The following TBC1D5 variants were observed in gnomAD, a reference collection of about 807,000 sequenced individuals.
The protein encoded by TBC1D5 is TBC1 domain family, member 5.
Under a neutral mutation model 100.3 loss-of-function variants are expected in TBC1D5, and 75 were observed. The ratio of observed to expected loss-of-function variants is 0.75; its 90% CI spans 0.62 to 0.91. TBC1D5 has a LOEUF of 0.91. TBC1D5 is among the 40% of genes least tolerant of loss of function. The probability of loss-of-function intolerance (pLI) is 0.00; values close to 1 mark genes in which losing one functional copy is unlikely to be tolerated. For synonymous variants in TBC1D5, 323 were observed against 325.6 expected (o/e 0.99, Z 0.09); for missense variants, 910 against 942.4 (o/e 0.97, Z 0.45).
chr3:17,567,032 C>T (rs535572969), intron 2 of TBC1D5, among the ~76,000 whole-genome samples: 1 of 151,776 alleles, frequency 6.6e-6, no homozygotes, highest in South Asian at 2.1e-4. Context: ...TAAAACATTC[C>T]CTATGCCTAC....
intron 13 of TBC1D5, among the ~76,000 whole-genome samples, chr3:17,346,207 T>G (rs180873728): frequency 6.6e-6 from 1 of 152,326 alleles, no homozygotes; most frequent in African/African-American, 2.4e-5. Context: ...CATAGCTTTA[T>G]GAATTTTGAA....
chr3:17,229,268 G>T (rs573515639), intron 17 of TBC1D5, among the ~76,000 whole-genome samples: 1 of 152,254 alleles, frequency 6.6e-6, no homozygotes, highest in East Asian at 1.9e-4. Context: ...TCCCTATATA[G>T]TAACAGTTTG....
intron 1 of TBC1D5, among the ~76,000 whole-genome samples, chr3:17,626,422 C>CTG (rs1219270886): frequency 6.6e-6 from 1 of 152,130 alleles, no homozygotes. Flanking sequence ...TTGTAATGAA[C>CTG]TGTACATGGC....
chr3:17,161,837 A>G (rs74796791), intron 21 of TBC1D5, among the ~76,000 whole-genome samples: 2,514 of 151,376 alleles, frequency 0.017, 32 homozygotes, highest in South Asian at 0.035. Context: ...TGTAGATCTC[A>G]TTGCTAGCTC....
At chr3:17,560,201 C>T (rs113753564) in intron 2 of TBC1D5, among the ~76,000 whole-genome samples, 3 of 152,144 alleles carry the variant, frequency 2.0e-5, no homozygotes, top group African/African-American at 7.2e-5. Flanking sequence ...ACCATGAAGA[C>T]AAGATCGACA....
chr3:17,455,452 GTGTGTGTATATA>G (rs1244660568), intron 3 of TBC1D5, among the ~76,000 whole-genome samples: 3 of 145,218 alleles, frequency 2.1e-5, no homozygotes, highest in African/African-American at 7.7e-5. Flanking sequence ...ATATATATAT[GTGTGTGTATATA>G]TATGTGTATA....
chr3:17,497,136 A>ACC (rs1378721128), intron 3 of TBC1D5, among the ~76,000 whole-genome samples: 23 of 114,864 alleles, frequency 2.0e-4, no homozygotes, highest in African/African-American at 8.2e-4. Flanking sequence ...ACACACACAC[A>ACC]CCATCCTTGT....
At chr3:17,704,997 G>A in intron 1 of TBC1D5, among the ~76,000 whole-genome samples, 1 of 133,120 alleles carries the variant, frequency 7.5e-6, no homozygotes, top group Non-Finnish European at 1.7e-5. Context: ...TGGCCGGGCG[G>A]AGGGCTGACC....
At chr3:17,441,859 A>C (rs1175953659) in intron 3 of TBC1D5, among the ~76,000 whole-genome samples, 2 of 152,152 alleles carry the variant, frequency 1.3e-5, no homozygotes, top group Non-Finnish European at 2.9e-5. Context: ...AACAGATCAC[A>C]ATAAAACAAA....
intron 2 of TBC1D5, among the ~76,000 whole-genome samples, chr3:17,593,416 A>G (rs554176638): frequency 8.4e-4 from 128 of 152,208 alleles, no homozygotes; most frequent in Non-Finnish European, 1.5e-3. Context: ...TGAGTGCCCA[A>G]TTTGCCAGCA....
intron 3 of TBC1D5, among the ~76,000 whole-genome samples, chr3:17,479,064 T>C (rs1370859115): frequency 6.6e-6 from 1 of 152,194 alleles, no homozygotes; most frequent in Admixed American, 6.5e-5. Flanking sequence ...AATAAATGGC[T>C]ACACAGCTCA....
intron 2 of TBC1D5, among the ~76,000 whole-genome samples, chr3:17,612,772 T>C (rs957417575): frequency 8.9e-5 from 13 of 146,358 alleles, no homozygotes; most frequent in African/African-American, 3.0e-4. Context: ...TAAAACTCAA[T>C]AAACAAAAGA....
Position 17,309,346 on chromosome 3 carries a change from T to C in TBC1D5, c.996-1212A>G, listed in dbSNP as rs193221217. On this transcript the variant is annotated intron_variant, in intron 13 of 21. Transcript: ENST00000253692. Reference sequence around the variant, plus strand: ...TTATTCACATTCTCATATTAATCAATAGAATAATTAGATTATATTTTCAAC... The same window carrying C: ...TTATTCACATTCTCATATTAATCAACAGAATAATTAGATTATATTTTCAAC... 3.6e-3 allele frequency among the ~76,000 whole-genome samples: 544 copies of C among 152,122 alleles called. 3 individuals carry two copies. Among genetic ancestry groups the C allele is most frequent in the African/African-American group, 0.013 (520 of 41,558 alleles).
chr3:17,343,753 G>A lies in TBC1D5; in HGVS notation c.995+28322C>T, dbSNP rs540278387. Among the ~76,000 whole-genome samples, 64 of 152,172 alleles carry A rather than the reference G, an allele frequency of 4.2e-4. 1 individual carries two copies. The South Asian group carries it at 9.3e-3, about 22-fold the overall frequency. ...CTTCTAGATTTTCTAGTTTATTTGC[G>A]TAGAGGTGTTGGTAGTATTCTCTGA... On this transcript the variant is annotated intron_variant, in intron 13 of 21. Coordinates refer to ENST00000253692, the Ensembl canonical transcript of TBC1D5.
At chr3:17,230,006 T>C (rs1269865023) in intron 17 of TBC1D5, among the ~76,000 whole-genome samples, 3 of 152,240 alleles carry the variant, frequency 2.0e-5, no homozygotes, top group Non-Finnish European at 2.9e-5. Flanking sequence ...AAATTCATTT[T>C]ACATATATTT....
intron 2 of TBC1D5, among the ~76,000 whole-genome samples, chr3:17,620,756 T>A (rs2062593523): frequency 6.6e-6 from 1 of 152,106 alleles, no homozygotes; most frequent in African/African-American, 2.4e-5. Context: ...GTAAATAATT[T>A]CCTATATATT....
chr3:17,454,372 G>A (rs546506328), intron 3 of TBC1D5, among the ~76,000 whole-genome samples: 2 of 152,070 alleles, frequency 1.3e-5, no homozygotes, highest in African/African-American at 2.4e-5. Flanking sequence ...TTGGAAAAAC[G>A]TAAAGACTCT....
At chr3:17,618,151 G>A (rs979084352) in intron 2 of TBC1D5, among the ~76,000 whole-genome samples, 1 of 152,050 alleles carries the variant, frequency 6.6e-6, no homozygotes, top group Admixed American at 6.6e-5. Flanking sequence ...CTTCTAACAG[G>A]TCCCTCAGCT....
At chr3:17,209,824 G>C (rs1442354987) in intron 18 of TBC1D5, among the ~76,000 whole-genome samples, 3 of 152,136 alleles carry the variant, frequency 2.0e-5, no homozygotes, top group African/African-American at 7.2e-5. Flanking sequence ...AAATATAGTA[G>C]TCATTCTTTC....
Sources: allele counts gnomAD v4.1 joint callset (sites outside exome capture counted in the v4.1 genomes callset), GRCh38; gene constraint gnomAD v4.1.1; transcripts MANE v1.5; gene names NCBI Gene and HGNC (gene_info 2026-07-23, HGNC 2026-07-21).